COL25A1: variants seen among roughly 807,000 people sequenced by gnomAD.
COL25A1 encodes the protein collagen type XXV alpha 1 chain.
COL25A1 carries 103 observed loss-of-function variants against 128.4 expected under a neutral mutation model. That is an observed-to-expected ratio of 0.80 (90% confidence interval 0.68 to 0.94). The LOEUF is 0.94. Among genes scored for constraint, COL25A1 ranks in the 40% least tolerant of loss-of-function variants. The pLI, the probability that COL25A1 is intolerant of heterozygous loss-of-function variation, is 0.00. For synonymous variants in COL25A1, 279 were observed against 277.2 expected, an observed-to-expected ratio of 1.01 and a Z score of -0.06; for missense variants, 745 against 840.0, an observed-to-expected ratio of 0.89 and a Z score of 1.40.
At chr4:109,081,904 A>G (rs1763869822) in intron 3 of COL25A1, among the ~76,000 whole-genome samples, 1 of 151,876 alleles carries the variant, frequency 6.6e-6, no homozygotes, top group African/African-American at 2.4e-5. Flanking sequence ...GGGTTTCACT[A>G]TGTTAGCCAG....
intron 3 of COL25A1, among the ~76,000 whole-genome samples, chr4:109,217,773 T>C (rs1458164095): frequency 6.6e-6 from 1 of 152,210 alleles, no homozygotes; most frequent in Non-Finnish European, 1.5e-5. Context: ...TAATACCTAA[T>C]ACAATGCAAA....
At chr4:108,818,193 A>G (rs1399939762) in intron 36 of COL25A1, among the ~76,000 whole-genome samples, 1 of 152,200 alleles carries the variant, frequency 6.6e-6, no homozygotes, top group Non-Finnish European at 1.5e-5. Flanking sequence ...TTCCACCAAC[A>G]AAATGATCAT....
At chr4:109,053,036 T>C (rs1579213519) in intron 3 of COL25A1, among the ~76,000 whole-genome samples, 1 of 151,922 alleles carries the variant, frequency 6.6e-6, no homozygotes, top group Non-Finnish European at 1.5e-5. Flanking sequence ...AAGAAACTGG[T>C]TCAAGAAAAT....
chr4:109,004,782 T>C (rs1755805753), intron 6 of COL25A1, among the ~76,000 whole-genome samples: 1 of 152,178 alleles, frequency 6.6e-6, no homozygotes, highest in African/African-American at 2.4e-5. Context: ...ATGCCAGCAC[T>C]ATGCTTCCTG....
At chr4:108,817,976 C>G (rs147261334) in intron 36 of COL25A1, among the ~76,000 whole-genome samples, 2 of 152,244 alleles carry the variant, frequency 1.3e-5, no homozygotes, top group Admixed American at 1.3e-4. Flanking sequence ...AGAGGACAGG[C>G]AGCCTATCTA....
chr4:108,841,378 A>G (rs571104544), intron 31 of COL25A1, among the ~76,000 whole-genome samples: 179 of 152,284 alleles, frequency 1.2e-3, no homozygotes, highest in African/African-American at 3.1e-3. Context: ...AAAAAAAAGC[A>G]TCTAGACTAG....
chr4:108,947,778 T>C (rs1488035120), intron 8 of COL25A1, among the ~76,000 whole-genome samples: 2 of 152,164 alleles, frequency 1.3e-5, no homozygotes, highest in African/African-American at 4.8e-5. Flanking sequence ...AGGTTAACAA[T>C]GGCCAGTGTC....
At chr4:108,974,661 A>G in intron 6 of COL25A1, 102 bp from the exon 7 acceptor site, 4 of 931,728 alleles carry the variant, frequency 4.3e-6, no homozygotes, top group Non-Finnish European at 6.3e-6. Flanking sequence ...GAATACAGAG[A>G]TAGCTGTCAA....
At chr4:109,090,056 T>C (rs1764761934) in intron 3 of COL25A1, among the ~76,000 whole-genome samples, 1 of 152,132 alleles carries the variant, frequency 6.6e-6, no homozygotes, top group Non-Finnish European at 1.5e-5. Context: ...GTTAAGAATA[T>C]AGTGCATATA....
intron 6 of COL25A1, among the ~76,000 whole-genome samples, chr4:108,987,805 T>G (rs1753796031): frequency 6.6e-6 from 1 of 152,164 alleles, no homozygotes; most frequent in South Asian, 2.1e-4. Context: ...CAGTCCCATC[T>G]CCACCTCCCC....
At chr4:109,203,333 A>AG (rs1418951290) in intron 3 of COL25A1, among the ~76,000 whole-genome samples, 1 of 152,226 alleles carries the variant, frequency 6.6e-6, no homozygotes, top group Non-Finnish European at 1.5e-5. Context: ...ACTAAAAATC[A>AG]GATATGTCAA....
chr4:109,026,142 T>C (rs2125908541), intron 5 of COL25A1, among the ~76,000 whole-genome samples: 1 of 130,476 alleles, frequency 7.7e-6, no homozygotes, highest in South Asian at 2.3e-4. Flanking sequence ...ACACATATAC[T>C]CTTAAATTAG....
intron 5 of COL25A1, among the ~76,000 whole-genome samples, chr4:109,035,532 AT>A (rs1194633333): frequency 6.6e-6 from 1 of 152,212 alleles, no homozygotes; most frequent in African/African-American, 2.4e-5. Context: ...TACTTTAGTT[AT>A]TGGAATTTCT....
chr4:109,053,311 G>A (rs1761151022), intron 3 of COL25A1, among the ~76,000 whole-genome samples: 1 of 152,170 alleles, frequency 6.6e-6, no homozygotes, highest in South Asian at 2.1e-4. Flanking sequence ...TTAAAAACCA[G>A]TGACTATAAA....
rs544387980 is a variant in COL25A1, at chr4:109,097,483, C to T, written c.368-47304G>A. Among the ~76,000 whole-genome samples, 201 of 149,404 alleles carry T rather than the reference C, an allele frequency of 1.3e-3. 1 individual carries two copies. Among genetic ancestry groups the T allele is most frequent in the Middle Eastern group, 3.5e-3 (1 of 288 alleles). ...CAAAAATTAGCCAGGCTTGGTCACACGCACCTGTAGTCCCAGCTACCTGGG... is the reference window on the plus strand; with the variant it reads ...CAAAAATTAGCCAGGCTTGGTCACATGCACCTGTAGTCCCAGCTACCTGGG... On this transcript the variant is annotated intron_variant, in intron 3 of 37. Coordinates refer to ENST00000399132, the MANE Select transcript of COL25A1 (RefSeq NM_198721.4).
At chr4:108,891,813 A>C (rs1741541814) in intron 16 of COL25A1, among the ~76,000 whole-genome samples, 1 of 152,114 alleles carries the variant, frequency 6.6e-6, no homozygotes, top group Non-Finnish European at 1.5e-5. Flanking sequence ...TGCTTGTATT[A>C]ATTGTAGTTG....
chr4:109,016,007 C>A (rs1263488763), intron 5 of COL25A1, among the ~76,000 whole-genome samples: 3 of 152,184 alleles, frequency 2.0e-5, no homozygotes, highest in Admixed American at 2.0e-4. Flanking sequence ...ATCCCTGCCC[C>A]CTACTGAGTT....
chr4:109,069,464 G>C (rs140683994), intron 3 of COL25A1, among the ~76,000 whole-genome samples: 1 of 152,226 alleles, frequency 6.6e-6, no homozygotes, highest in Non-Finnish European at 1.5e-5. Context: ...TCCTCTCAAA[G>C]TGCTGGGTGA....
At chr4:108,865,344 C>A (rs567905534) in intron 20 of COL25A1, among the ~76,000 whole-genome samples, 3 of 152,094 alleles carry the variant, frequency 2.0e-5, no homozygotes, top group Admixed American at 1.3e-4. Flanking sequence ...CTTTGGGAAG[C>A]CTTTGTGGTT....
Sources: allele counts gnomAD v4.1 joint callset (sites outside exome capture counted in the v4.1 genomes callset), GRCh38; gene constraint gnomAD v4.1.1; transcripts MANE v1.5; gene names NCBI Gene and HGNC (gene_info 2026-07-23, HGNC 2026-07-21).